The following LSAMP variants were observed in gnomAD, a reference collection of about 807,000 sequenced individuals.
LSAMP encodes the protein limbic system-associated membrane protein.
Under a neutral mutation model 38.6 loss-of-function variants are expected in LSAMP, and 7 were observed. The observed-to-expected ratio is 0.18, with a 90% CI of 0.10 to 0.34. The LOEUF (loss-of-function observed/expected upper bound fraction) is 0.34. Ranked by LOEUF, LSAMP falls within the 10% of genes least tolerant of loss-of-function variation. The pLI, the probability that LSAMP is intolerant of heterozygous loss-of-function variation, is 1.00. For synonymous variants in LSAMP, 154 were observed against 166.8 expected (o/e 0.92, Z 0.59); for missense variants, 313 against 420.0 (o/e 0.75, Z 2.23).
At chr3:116,348,590 C>A (rs1027451751) in intron 1 of LSAMP, among the ~76,000 whole-genome samples, 1 of 152,054 alleles carries the variant, frequency 6.6e-6, no homozygotes, top group South Asian at 2.1e-4. Flanking sequence ...AGAAATTAGC[C>A]TTCATTTCCA....
chr3:116,224,059 G>GGTCTGATTCCACATGTGA (rs992953334), intron 1 of LSAMP, among the ~76,000 whole-genome samples: 1 of 151,750 alleles, frequency 6.6e-6, no homozygotes, highest in Admixed American at 6.6e-5. Context: ...ACTACCTGTG[G>GGTCTGATTCCACATGTGA]GTCTGATTCC....
At chr3:116,278,865 C>T (rs1429269342) in intron 1 of LSAMP, among the ~76,000 whole-genome samples, 1 of 152,136 alleles carries the variant, frequency 6.6e-6, no homozygotes, top group African/African-American at 2.4e-5. Context: ...TATATTTACT[C>T]ATCTGTCTCA....
chr3:116,224,097 A>G (rs1440404146), intron 1 of LSAMP, among the ~76,000 whole-genome samples: 1 of 152,038 alleles, frequency 6.6e-6, no homozygotes, highest in African/African-American at 2.4e-5. Flanking sequence ...ATTTAATTAG[A>G]TTGTGCTCTC....
At chr3:115,871,146 C>T (rs1936021677) in intron 3 of LSAMP, among the ~76,000 whole-genome samples, 1 of 152,140 alleles carries the variant, frequency 6.6e-6, no homozygotes, top group African/African-American at 2.4e-5. Context: ...AAATCTCTTT[C>T]TCATTTTATG....
At chr3:116,350,095 AATTG>A (rs1350969318) in intron 1 of LSAMP, among the ~76,000 whole-genome samples, 2 of 152,066 alleles carry the variant, frequency 1.3e-5, no homozygotes, top group African/African-American at 2.4e-5. Context: ...ATATTAAAAT[AATTG>A]ATTAAGAGGA....
chr3:115,901,003 A>C (rs556151677), intron 3 of LSAMP, among the ~76,000 whole-genome samples: 1 of 152,230 alleles, frequency 6.6e-6, no homozygotes, highest in African/African-American at 2.4e-5. Flanking sequence ...TCCTCCACCA[A>C]CACATATTCT....
At chr3:116,383,048 TG>T (rs1222815978) in intron 1 of LSAMP, among the ~76,000 whole-genome samples, 1 of 152,126 alleles carries the variant, frequency 6.6e-6, no homozygotes, top group African/African-American at 2.4e-5. Flanking sequence ...TGTTGTAAAC[TG>T]AGATAAAAAG....
intron 6 of LSAMP, among the ~76,000 whole-genome samples, chr3:115,812,796 G>A (rs9813303): frequency 0.014 from 2,090 of 152,284 alleles, 60 homozygotes; most frequent in African/African-American, 0.049. Context: ...CATTTTTAGT[G>A]CAAGGACAGG....
At chr3:116,394,657 A>G (rs1434760411) in intron 1 of LSAMP, among the ~76,000 whole-genome samples, 2 of 151,994 alleles carry the variant, frequency 1.3e-5, no homozygotes, top group African/African-American at 2.4e-5. Flanking sequence ...CCACACACTG[A>G]GATCCTTGAT....
chr3:116,149,875 A>G (rs1014888748), intron 1 of LSAMP, among the ~76,000 whole-genome samples: 1 of 152,024 alleles, frequency 6.6e-6, no homozygotes, highest in African/African-American at 2.4e-5. Flanking sequence ...GAGATATATG[A>G]ACACCCCTTG....
chr3:116,075,138 A>ATTTT (rs71297430), intron 2 of LSAMP, among the ~76,000 whole-genome samples: 1,379 of 118,268 alleles, frequency 0.012, 33 homozygotes, highest in African/African-American at 0.026. Flanking sequence ...GCACCCAGCC[A>ATTTT]TTTTTTTTTT....
At chr3:116,417,994 C>A (rs1576208818) in intron 1 of LSAMP, among the ~76,000 whole-genome samples, 1 of 152,274 alleles carries the variant, frequency 6.6e-6, no homozygotes, top group East Asian at 1.9e-4. Flanking sequence ...GCTTTAATAA[C>A]CTAAACTCCC....
At chr3:116,328,003 C>T (rs2047796828) in intron 1 of LSAMP, among the ~76,000 whole-genome samples, 1 of 152,076 alleles carries the variant, frequency 6.6e-6, no homozygotes, top group South Asian at 2.1e-4. Context: ...CTGTTTCACT[C>T]ACCTCCCTTC....
chr3:116,268,339 C>G (rs1005168992), intron 1 of LSAMP, among the ~76,000 whole-genome samples: 1 of 152,078 alleles, frequency 6.6e-6, no homozygotes, highest in East Asian at 1.9e-4. Context: ...AACCCAAATG[C>G]CTTTTATTTG....
Position 116,166,787 on chromosome 3 carries a change from G to GTT in LSAMP, c.156-80233_156-80232dup, listed in dbSNP as rs35340943. Among the ~76,000 whole-genome samples the GTT allele has an allele frequency of 8.6e-3, 1,016 of 118,786 alleles. 34 individuals are homozygous for GTT. Among genetic ancestry groups the GTT allele is most frequent in the African/African-American group, 0.023 (744 of 31,884 alleles). The allele number at this position is 118,786 out of a possible 152,430, so 77.9% of individuals were successfully genotyped here. A position where few individuals can be genotyped will look rare whatever the true frequency, so the allele number is the denominator to read the frequency against. On this transcript the variant is annotated intron_variant, in intron 1 of 6. Transcript: ENST00000490035. ...ATCTAAAATTTTTAGTTTTTTTTTT[G>GTT]TTTTTTTTTTTTTTTTTGAGACGGA...
At chr3:116,429,077 A>G (rs577130380) in intron 1 of LSAMP, among the ~76,000 whole-genome samples, 2 of 152,314 alleles carry the variant, frequency 1.3e-5, no homozygotes, top group East Asian at 3.9e-4. Flanking sequence ...TATATTATAT[A>G]TTTAACAGTT....
At chr3:116,028,456 C>A (rs765329522) in intron 2 of LSAMP, among the ~76,000 whole-genome samples, 3 of 152,150 alleles carry the variant, frequency 2.0e-5, no homozygotes, top group Non-Finnish European at 4.4e-5. Context: ...CGTCATCAGG[C>A]ACTTTGTAGG....
At chr3:116,115,963 CTT>C (rs1483719774) in intron 1 of LSAMP, among the ~76,000 whole-genome samples, 1 of 151,744 alleles carries the variant, frequency 6.6e-6, no homozygotes, top group Non-Finnish European at 1.5e-5. Flanking sequence ...AACCTGGAAA[CTT>C]ATATTCAGTT....
chr3:115,890,212 A>G (rs1490967109), intron 3 of LSAMP, among the ~76,000 whole-genome samples: 2 of 152,078 alleles, frequency 1.3e-5, no homozygotes, highest in South Asian at 2.1e-4. Flanking sequence ...AATACAGACA[A>G]TGTTAATGTG....
Sources: gnomAD v4.1 joint callset for allele counts (sites outside exome capture counted in the v4.1 genomes callset) on GRCh38, gnomAD v4.1.1 for gene constraint, MANE v1.5 for transcripts, NCBI Gene and HGNC (gene_info 2026-07-23, HGNC 2026-07-21) for gene names.